FABP12: variants seen among roughly 807,000 people sequenced by gnomAD.
The protein encoded by FABP12 is fatty acid-binding protein 12.
In FABP12, 19 loss-of-function variants were observed where a neutral mutation model predicts 13.7. That is an observed-to-expected ratio of 1.39 (90% CI 0.97 to 2.04). FABP12 has a LOEUF of 2.04. Ranked by LOEUF, FABP12 falls within the 30% of genes most tolerant of loss-of-function variation. FABP12 has a pLI of 0.00. For synonymous variants in FABP12, 61 were observed against 57.0 expected, an observed-to-expected ratio of 1.07 and a Z score of -0.32; for missense variants, 182 against 164.2, an observed-to-expected ratio of 1.11 and a Z score of -0.59.
At chr8:81,550,196 G>T (rs1218334635) in intron 1 of FABP12, among the ~76,000 whole-genome samples, 1 of 152,108 alleles carries the variant, frequency 6.6e-6, no homozygotes, top group Non-Finnish European at 1.5e-5. Flanking sequence ...ATCCCACACA[G>T]TGCCAGCTAC....
intron 1 of FABP12, among the ~76,000 whole-genome samples, chr8:81,566,178 T>C (rs996868248): frequency 1.3e-5 from 2 of 151,914 alleles, no homozygotes; most frequent in African/African-American, 4.8e-5. Flanking sequence ...TAATAAAAAG[T>C]CTTCCAGCAA....
intron 1 of FABP12, among the ~76,000 whole-genome samples, chr8:81,585,333 A>G (rs1810225501): frequency 6.6e-6 from 1 of 152,160 alleles, no homozygotes; most frequent in African/African-American, 2.4e-5. Flanking sequence ...ATCATTTATT[A>G]AAGACTGTCC....
At chr8:81,577,629 C>T (rs772235761) in intron 1 of FABP12, among the ~76,000 whole-genome samples, 3 of 152,086 alleles carry the variant, frequency 2.0e-5, no homozygotes, top group Non-Finnish European at 2.9e-5. Context: ...GGCATGGTGG[C>T]ACAGGCCCGT....
intron 4 of FABP12, chr8:81,525,924 A>G (rs1359153621): frequency 6.6e-6 from 1 of 152,224 alleles, no homozygotes; most frequent in Non-Finnish European, 1.5e-5. Flanking sequence ...AAGGCAAGGA[A>G]TCTGAATCTT....
chr8:81,543,199 C>G (rs1050884276), intron 1 of FABP12, among the ~76,000 whole-genome samples: 1 of 152,140 alleles, frequency 6.6e-6, no homozygotes, highest in Admixed American at 6.5e-5. Flanking sequence ...CATGTACTTA[C>G]GAAACTAATT....
intron 1 of FABP12, among the ~76,000 whole-genome samples, chr8:81,555,951 T>C (rs890639085): frequency 1.3e-5 from 2 of 152,162 alleles, no homozygotes; most frequent in African/African-American, 4.8e-5. Flanking sequence ...TTCATGAATA[T>C]AGTTTGCGAG....
chr8:81,576,277 AT>A (rs1487475028), intron 1 of FABP12, among the ~76,000 whole-genome samples: 16 of 152,004 alleles, frequency 1.1e-4, no homozygotes, highest in African/African-American at 3.9e-4. Context: ...GGGCCTTGAA[AT>A]TTTTTTCCAA....
chr8:81,561,251 T>A (rs555023046), intron 1 of FABP12, among the ~76,000 whole-genome samples: 1 of 152,208 alleles, frequency 6.6e-6, no homozygotes, highest in Non-Finnish European at 1.5e-5. Flanking sequence ...ACAGTGCATA[T>A]GAAAGTACTT....
upstream of FABP12, among the ~76,000 whole-genome samples, chr8:81,537,953 A>C (rs1380453983): frequency 6.6e-6 from 1 of 152,144 alleles, no homozygotes; most frequent in Non-Finnish European, 1.5e-5. Flanking sequence ...GTAACTTATA[A>C]AGAAAAGTGG....
At chr8:81,544,585 A>T (rs16909331) in intron 1 of FABP12, among the ~76,000 whole-genome samples, 1 of 152,034 alleles carries the variant, frequency 6.6e-6, no homozygotes, top group Admixed American at 6.5e-5. Context: ...TGTGAGAACT[A>T]TGGGGAACAA....
upstream of FABP12, among the ~76,000 whole-genome samples, chr8:81,536,035 C>G (rs200518680): frequency 6.6e-6 from 1 of 152,168 alleles, no homozygotes; most frequent in Non-Finnish European, 1.5e-5. Flanking sequence ...GTGCCTTCAG[C>G]CTTGCCCTAT....
At chr8:81,539,445 T>C (rs1317090988) in intron 2 of FABP12, among the ~76,000 whole-genome samples, 3 of 143,046 alleles carry the variant, frequency 2.1e-5, no homozygotes, top group Non-Finnish European at 3.1e-5. Context: ...TTTTTTTTTT[T>C]TTTTTTTTTT....
intron 1 of FABP12, among the ~76,000 whole-genome samples, chr8:81,577,602 C>T (rs188871518): frequency 6.6e-6 from 1 of 152,068 alleles, no homozygotes; most frequent in Non-Finnish European, 1.5e-5. Context: ...CTATTAAAAA[C>T]ACAAAAAAAT....
intron 1 of FABP12, among the ~76,000 whole-genome samples, chr8:81,575,775 C>G (rs926537949): frequency 3.9e-5 from 6 of 152,112 alleles, no homozygotes; most frequent in African/African-American, 1.4e-4. Context: ...AAATAGCTAG[C>G]CTCCTGTCAG....
At chr8:81,547,370 G>A (rs1187683970) in intron 1 of FABP12, among the ~76,000 whole-genome samples, 1 of 152,222 alleles carries the variant, frequency 6.6e-6, no homozygotes, top group Non-Finnish European at 1.5e-5. Flanking sequence ...TAAGGTCTCT[G>A]AGAGTCAATG....
intron 1 of FABP12, among the ~76,000 whole-genome samples, chr8:81,543,452 C>T (rs1376337450): frequency 6.6e-6 from 1 of 152,132 alleles, no homozygotes. Flanking sequence ...TGGTTCAAGT[C>T]AAAGTGAAGA....
At chr8:81,579,259 T>C (rs1455206621) in intron 1 of FABP12, among the ~76,000 whole-genome samples, 1 of 152,116 alleles carries the variant, frequency 6.6e-6, no homozygotes, top group African/African-American at 2.4e-5. Context: ...AAATGTTATC[T>C]CAGTTGACTC....
At chr8:81,582,242 C>T (rs1260613834) in intron 1 of FABP12, among the ~76,000 whole-genome samples, 1 of 149,912 alleles carries the variant, frequency 6.7e-6, no homozygotes, top group African/African-American at 2.5e-5. Flanking sequence ...TTTGCCTCAG[C>T]CTCCCCAGTA....
chr8:81,532,726 CA>C lies in FABP12; in HGVS notation c.-76+1075del, dbSNP rs534709167. On this transcript the variant is annotated intron_variant, in intron 1 of 4. Transcript: ENST00000360464. ...GTCCCAGCTACTCGGGAGGCTGAGG[CA>C]GAAGAATCACTTGAACCCAGGAAGC... Among the ~76,000 whole-genome samples the C allele has an allele frequency of 5.4e-3, 828 of 152,328 alleles. 4 individuals carry two copies. Among genetic ancestry groups the C allele is most frequent in the Middle Eastern group, 0.01 (3 of 294 alleles).
Sources: gnomAD v4.1 joint callset for allele counts (sites outside exome capture counted in the v4.1 genomes callset) on GRCh38, gnomAD v4.1.1 for gene constraint, MANE v1.5 for transcripts, NCBI Gene and HGNC (gene_info 2026-07-23, HGNC 2026-07-21) for gene names.